The following FHIT variants were observed in gnomAD, a reference collection of about 807,000 sequenced individuals.
FHIT encodes bis(5'-adenosyl)-triphosphatase.
FHIT carries 19 observed loss-of-function variants against 17.9 expected under a neutral mutation model. The ratio of observed to expected loss-of-function variants is 1.06; its 90% confidence interval spans 0.74 to 1.56. The LOEUF is 1.56. Ranked by LOEUF, FHIT falls within the 40% of genes most tolerant of loss-of-function variation. The pLI is 0.00. For synonymous variants in FHIT, 81 were observed against 69.7 expected (o/e 1.16, Z -0.81); for missense variants, 248 against 189.2 (o/e 1.31, Z -1.82).
At chr3:61,189,143 G>A (rs1423931755) in intron 2 of FHIT, among the ~76,000 whole-genome samples, 2 of 152,172 alleles carry the variant, frequency 1.3e-5, no homozygotes, top group Non-Finnish European at 2.9e-5. Flanking sequence ...AAGTCAAACT[G>A]TCCCTGTTTG....
At chr3:60,672,736 G>C (rs1486901260) in intron 4 of FHIT, among the ~76,000 whole-genome samples, 2 of 152,052 alleles carry the variant, frequency 1.3e-5, no homozygotes, top group Admixed American at 1.3e-4. Context: ...TCAGTTTTAA[G>C]TCTACCATCT....
At chr3:60,701,061 G>T (rs1469652652) in intron 4 of FHIT, among the ~76,000 whole-genome samples, 3 of 150,998 alleles carry the variant, frequency 2.0e-5, no homozygotes, top group African/African-American at 7.3e-5. Context: ...CTGATGAAAA[G>T]CCAATTTTCA....
intron 5 of FHIT, among the ~76,000 whole-genome samples, chr3:60,370,251 G>C (rs1700274685): frequency 6.6e-6 from 1 of 152,120 alleles, no homozygotes; most frequent in Admixed American, 6.5e-5. Context: ...GCCCAATTCA[G>C]TTAGAACTTG....
intron 5 of FHIT, among the ~76,000 whole-genome samples, chr3:60,053,155 G>A (rs906953102): frequency 7.9e-5 from 12 of 151,472 alleles, no homozygotes; most frequent in African/African-American, 2.2e-4. Context: ...CTTTCTTAGC[G>A]TGGTTGGTTT....
intron 5 of FHIT, among the ~76,000 whole-genome samples, chr3:60,418,557 C>CTTTTTT (rs11452248): frequency 1.1e-5 from 1 of 95,218 alleles, no homozygotes; most frequent in African/African-American, 3.9e-5. Flanking sequence ...TCCCTCCCAA[C>CTTTTTT]TTTTTTTTTT....
intron 3 of FHIT, among the ~76,000 whole-genome samples, chr3:60,946,603 C>A (rs782382307): frequency 6.6e-6 from 1 of 151,940 alleles, no homozygotes; most frequent in East Asian, 1.9e-4. Flanking sequence ...AAAGACAGGG[C>A]GCTGGGGGGA....
intron 5 of FHIT, among the ~76,000 whole-genome samples, chr3:60,124,211 C>G (rs1227060374): frequency 6.6e-6 from 1 of 150,926 alleles, no homozygotes; most frequent in African/African-American, 2.4e-5. Context: ...AACCACTGCA[C>G]CTGGCCTACA....
intron 5 of FHIT, among the ~76,000 whole-genome samples, chr3:60,254,643 T>G (rs953355153): frequency 6.6e-6 from 1 of 152,086 alleles, no homozygotes; most frequent in South Asian, 2.1e-4. Context: ...TCTACAGGAG[T>G]AATGTGGTAT....
intron 5 of FHIT, among the ~76,000 whole-genome samples, chr3:60,326,240 T>G (rs574291128): frequency 6.6e-6 from 1 of 152,232 alleles, no homozygotes; most frequent in Non-Finnish European, 1.5e-5. Context: ...CATTGTAATA[T>G]ATAATGAAAT....
intron 4 of FHIT, among the ~76,000 whole-genome samples, chr3:60,702,305 G>A (rs2041267825): frequency 6.6e-6 from 1 of 151,930 alleles, no homozygotes; most frequent in South Asian, 2.1e-4. Flanking sequence ...ATGTTTAGAA[G>A]AAAAAGTAAA....
At chr3:60,045,653 C>T (rs1701623243) in intron 5 of FHIT, among the ~76,000 whole-genome samples, 1 of 152,172 alleles carries the variant, frequency 6.6e-6, no homozygotes, top group Non-Finnish European at 1.5e-5. Context: ...TCCCTACCTC[C>T]CTACCTTGCT....
chr3:61,245,876 TA>T (rs2040476730), intron 1 of FHIT, among the ~76,000 whole-genome samples: 1 of 152,100 alleles, frequency 6.6e-6, no homozygotes, highest in African/African-American at 2.4e-5. Flanking sequence ...AGGGGCTGAG[TA>T]AAATAAGGCT....
chr3:60,279,061 T>G (rs551601064), intron 5 of FHIT, among the ~76,000 whole-genome samples: 5 of 151,832 alleles, frequency 3.3e-5, no homozygotes, highest in African/African-American at 7.2e-5. Flanking sequence ...ACATTGAAAA[T>G]AGGAAATCAA....
At chr3:60,925,228 G>C (rs535086945) in intron 3 of FHIT, among the ~76,000 whole-genome samples, 6 of 152,100 alleles carry the variant, frequency 3.9e-5, no homozygotes, top group Admixed American at 6.5e-5. Context: ...GATACTCCTC[G>C]AGAAGAGCAA....
intron 4 of FHIT, among the ~76,000 whole-genome samples, chr3:60,778,614 C>T (rs1553725038): frequency 1.3e-5 from 2 of 152,228 alleles, no homozygotes; most frequent in Non-Finnish European, 2.9e-5. Context: ...AGGTATACTC[C>T]TATGAACAAA....
chr3:61,030,692 A>C (rs903396719), intron 3 of FHIT, among the ~76,000 whole-genome samples: 1 of 152,224 alleles, frequency 6.6e-6, no homozygotes, highest in Non-Finnish European at 1.5e-5. Context: ...TAAGGACAAA[A>C]ATTAAAAAAC....
chr3:61,243,381 G>A (rs2040416493), intron 1 of FHIT, among the ~76,000 whole-genome samples: 1 of 152,092 alleles, frequency 6.6e-6, no homozygotes, highest in African/African-American at 2.4e-5. Context: ...AGTAGAGAAA[G>A]GATTGTTTTT....
intron 4 of FHIT, among the ~76,000 whole-genome samples, chr3:60,629,984 G>T (rs1021955667): frequency 1.3e-5 from 2 of 152,144 alleles, no homozygotes; most frequent in Non-Finnish European, 2.9e-5. Context: ...TCAGGACCTT[G>T]CTCCTGTTCC....
chr3:60,791,595 G>C (rs1340170887), intron 4 of FHIT, among the ~76,000 whole-genome samples: 2 of 152,184 alleles, frequency 1.3e-5, no homozygotes, highest in African/African-American at 4.8e-5. Flanking sequence ...CATTCCAGCT[G>C]TCCAGAAGCT....
Sources: gnomAD v4.1 joint callset for allele counts (sites outside exome capture counted in the v4.1 genomes callset) on GRCh38, gnomAD v4.1.1 for gene constraint, MANE v1.5 for transcripts, NCBI Gene and HGNC (gene_info 2026-07-23, HGNC 2026-07-21) for gene names.